RSBN1L: variants seen among roughly 807,000 people sequenced by gnomAD.
RSBN1L encodes round spermatid basic protein 1 like.
A neutral mutation model predicts 67.7 loss-of-function variants in RSBN1L; 30 were observed. The observed-to-expected ratio is 0.44, with a 90% CI of 0.33 to 0.60. The LOEUF (loss-of-function observed/expected upper bound fraction) is 0.60, where lower values mean the gene tolerates loss of function less well. Ranked by LOEUF, RSBN1L falls within the 20% of genes least tolerant of loss-of-function variation. The probability of loss-of-function intolerance (pLI) is 0.02; values close to 1 mark genes in which losing one functional copy is unlikely to be tolerated. For missense variants in RSBN1L, 992 were observed against 1,031.7 expected, an observed-to-expected ratio of 0.96 and a Z score of 0.53; for synonymous variants, 433 against 387.0, an observed-to-expected ratio of 1.12 and a Z score of -1.39.
rs558343671 is a variant in RSBN1L at position 77,741,351 on chromosome 7, T to C, written c.703+4825T>C. Reference sequence around the variant, plus strand: ...TTAGTTGGATAGCAGTTCTATTCTTTCTGTTATAGGTACCTGTCAGGATCC... The same window carrying C: ...TTAGTTGGATAGCAGTTCTATTCTTCCTGTTATAGGTACCTGTCAGGATCC... On this transcript the variant is annotated intron_variant, in intron 2 of 7. Coordinates refer to ENST00000334955, the MANE Select transcript of RSBN1L (RefSeq NM_198467.3). Among the ~76,000 whole-genome samples the C allele has an allele frequency of 5.9e-5, 9 of 152,106 alleles. No individual in the cohort carries two copies. In the South Asian group the frequency reaches 1.7e-3, roughly 28 times the overall value.
At chr7:77,720,390 G>A (rs1449967845) in intron 1 of RSBN1L, among the ~76,000 whole-genome samples, 2 of 151,984 alleles carry the variant, frequency 1.3e-5, no homozygotes, top group Non-Finnish European at 2.9e-5. Context: ...GAGAAACCCC[G>A]GGTCTACTAA....
chr7:77,711,637 C>T (rs904975573), intron 1 of RSBN1L, among the ~76,000 whole-genome samples: 2 of 152,130 alleles, frequency 1.3e-5, no homozygotes, highest in Non-Finnish European at 2.9e-5. Flanking sequence ...GCCAAAGTGC[C>T]CAGCCTGTAT....
chr7:77,778,923 C>A lies in RSBN1L; in HGVS notation c.2296C>A (p.Pro766Thr). The A allele has an allele frequency of 1.9e-6, 3 of 1,613,868 alleles. No individual in the cohort carries two copies. The highest frequency in any genetic ancestry group is 2.5e-6 in the Non-Finnish European group (3 of 1,179,874). Residue 766 changes from proline (P) to threonine (T), a missense_variant, in exon 8 of 8, where the codon CCT becomes ACT. Physicochemically the swap from Pro to Thr is conservative, Grantham distance 38 (BLOSUM62 -1). Coordinates refer to ENST00000334955, the MANE Select transcript of RSBN1L (RefSeq NM_198467.3). ...TGCATCTGTAAGAATCAAGGAAGAA[C>A]CTGTGAATGTTAATATTCCTGAAAA... ...PIASVRIKEEPVNVNIPEKTT... is the reference protein window; with the variant it reads ...PIASVRIKEETVNVNIPEKTT...
At chr7:77,703,477 G>GTTTTTTTTTTTTTT (rs71529102) in intron 1 of RSBN1L, among the ~76,000 whole-genome samples, 1 of 61,574 alleles carries the variant, frequency 1.6e-5, no homozygotes. Flanking sequence ...TACTGTTTGG[G>GTTTTTTTTTTTTTT]TTTTTTTTTT....
At chr7:77,762,178 GAACT>G (rs1286555014) in intron 3 of RSBN1L, among the ~76,000 whole-genome samples, 2 of 152,060 alleles carry the variant, frequency 1.3e-5, no homozygotes, top group Admixed American at 6.6e-5. Flanking sequence ...GAGGTGGGAA[GAACT>G]AACTAAAAAT....
intron 1 of RSBN1L, among the ~76,000 whole-genome samples, chr7:77,732,367 C>G (rs979884196): frequency 1.3e-5 from 2 of 152,074 alleles, no homozygotes; most frequent in African/African-American, 2.4e-5. Context: ...GAGTCTCACT[C>G]TGTTGCCCAG....
intron 1 of RSBN1L, among the ~76,000 whole-genome samples, chr7:77,721,082 G>T (rs761619044): frequency 1.3e-5 from 2 of 151,988 alleles, no homozygotes; most frequent in Non-Finnish European, 2.9e-5. Context: ...CTTATTTATG[G>T]CCCGCTTTGT....
intron 2 of RSBN1L, among the ~76,000 whole-genome samples, chr7:77,747,244 C>T (rs1361910964): frequency 6.6e-6 from 1 of 152,202 alleles, no homozygotes; most frequent in Non-Finnish European, 1.5e-5. Context: ...AGAGTTCAAG[C>T]AGGCTGCAGA....
chr7:77,747,752 A>G (rs1791503926), intron 2 of RSBN1L, among the ~76,000 whole-genome samples: 1 of 152,206 alleles, frequency 6.6e-6, no homozygotes, highest in Non-Finnish European at 1.5e-5. Flanking sequence ...CTTTATAGCA[A>G]TGCCCCATTC....
At chr7:77,701,844 G>A (rs942281592) in intron 1 of RSBN1L, among the ~76,000 whole-genome samples, 2 of 151,910 alleles carry the variant, frequency 1.3e-5, no homozygotes, top group African/African-American at 2.4e-5. Context: ...GTAGAGATGG[G>A]GTTCCTCCAT....
At chr7:77,740,082 C>T (rs1243470402) in intron 2 of RSBN1L, among the ~76,000 whole-genome samples, 2 of 151,742 alleles carry the variant, frequency 1.3e-5, no homozygotes, top group Non-Finnish European at 2.9e-5. Context: ...GAAATACACA[C>T]AAAATTATAT....
At chr7:77,755,338 C>T (rs972025277) in intron 3 of RSBN1L, among the ~76,000 whole-genome samples, 1 of 152,108 alleles carries the variant, frequency 6.6e-6, no homozygotes, top group African/African-American at 2.4e-5. Context: ...ACCTGTAAGT[C>T]AAAAATATTT....
At chr7:77,711,978 G>GGTCTTCAT (rs1271091921) in intron 1 of RSBN1L, among the ~76,000 whole-genome samples, 1 of 151,910 alleles carries the variant, frequency 6.6e-6, no homozygotes, top group African/African-American at 2.4e-5. Flanking sequence ...TGAGGGTAAG[G>GGTCTTCAT]GTCTTCATCT....
At chr7:77,704,016 T>C (rs1192299981) in intron 1 of RSBN1L, among the ~76,000 whole-genome samples, 4 of 152,226 alleles carry the variant, frequency 2.6e-5, no homozygotes, top group Admixed American at 6.5e-5. Context: ...ACAGGGTGAT[T>C]GTTAGAATTA....
intron 2 of RSBN1L, among the ~76,000 whole-genome samples, chr7:77,736,867 GT>G (rs1190472474): frequency 1.3e-5 from 2 of 152,146 alleles, no homozygotes; most frequent in African/African-American, 2.4e-5. Context: ...GCCAAAGCAA[GT>G]TTTAGTATGA....
At chr7:77,697,238 A>G (rs1442965661) in intron 1 of RSBN1L, 183 bp downstream of exon 1, 3 of 546,440 alleles carry the variant, frequency 5.5e-6, no homozygotes, top group Non-Finnish European at 8.2e-6. Flanking sequence ...GGAGCCTGTA[A>G]TTTCGGTTGC....
chr7:77,778,521 A>G lies in RSBN1L; in HGVS notation c.1903-9A>G. ...AGTTATTTGTATTTCTTGTTTTATT[A>G]TTTTTTAGTGTGTCCAATGGGTTGA... On this transcript the variant is annotated splice_polypyrimidine_tract_variant and intron_variant, in intron 7 of 7. Transcript: ENST00000334955. 1.3e-6 allele frequency: 2 copies of G among 1,598,918 alleles called. No homozygotes were observed. Among genetic ancestry groups the G allele is most frequent in the South Asian group, 1.1e-5 (1 of 89,042 alleles).
Position 77,778,728 on chromosome 7 carries a change from C to G in RSBN1L, c.2101C>G (p.Gln701Glu), listed in dbSNP as rs777045355. ...ATATCACTCAGAGGAGGACACTTCTCAGAATACAGCTACTCATGAAACAGG... is the reference window on the plus strand; with the variant it reads ...ATATCACTCAGAGGAGGACACTTCTGAGAATACAGCTACTCATGAAACAGG... ...KLYHSEEDTS[Q>E]NTATHETGTS... The change falls in exon 8 of 8, where the codon CAG (glutamine) becomes GAG (glutamate). Residue 701 changes from glutamine to glutamate, a missense_variant. Around this residue, in one of 7 missense-constraint regions of RSBN1L, gnomAD observed 199 missense variants for 167.7 expected, o/e 1.19. Coordinates refer to ENST00000334955, the MANE Select transcript of RSBN1L (RefSeq NM_198467.3). 3.5e-5 allele frequency: 57 copies of G among 1,613,990 alleles called. No individual in the cohort carries two copies. The highest frequency in any genetic ancestry group is 3.3e-4 in the Middle Eastern group (2 of 6,082).
In RSBN1L at chr7:77,775,314, C is replaced by T. The variant is rs543191044; in HGVS notation, c.1793+2000C>T. 4.6e-3 allele frequency among the ~76,000 whole-genome samples: 693 copies of T among 152,200 alleles called. 3 individuals carry two copies. The highest frequency in any genetic ancestry group is 4.8e-3 in the Non-Finnish European group (324 of 68,000). On this transcript the variant is annotated intron_variant, in intron 6 of 7. Transcript: ENST00000334955. ...CTTTTGGAGGCCGAGGTGGGTAGAT[C>T]ACTTGAAGTTAGGAGTTCAAGACCA... is the stretch of plus-strand genomic sequence containing the variant.
Sources: gnomAD v4.1 joint callset for allele counts (sites outside exome capture counted in the v4.1 genomes callset) on GRCh38, gnomAD v4.1.1 for gene constraint, gnomAD v4.1.1 regional missense constraint, MANE v1.5 for transcripts, NCBI Gene and HGNC (gene_info 2026-07-23, HGNC 2026-07-21) for gene names.